Variants in KIF3B observed in about 807,000 individuals in gnomAD.
The protein encoded by KIF3B is kinesin-like protein KIF3B.
A neutral mutation model predicts 74.3 loss-of-function variants in KIF3B; 38 were observed. That is an observed-to-expected ratio of 0.51 (90% confidence interval 0.39 to 0.67). The LOEUF is 0.67. KIF3B is among the 30% of genes least tolerant of loss of function. The pLI is 0.00. For missense variants in KIF3B, 649 were observed against 932.0 expected, an observed-to-expected ratio of 0.70 and a Z score of 3.95; for synonymous variants, 326 against 342.5, an observed-to-expected ratio of 0.95 and a Z score of 0.53.
chr20:32,312,141 A>C (rs1280763084), intron 2 of KIF3B, among the ~76,000 whole-genome samples: 1 of 127,402 alleles, frequency 7.8e-6, no homozygotes, highest in African/African-American at 3.0e-5. Context: ...TTGAGACAGG[A>C]TCTTGCTCTG....
chr20:32,281,630 T>C (rs980490072), intron 1 of KIF3B, among the ~76,000 whole-genome samples: 2 of 152,108 alleles, frequency 1.3e-5, no homozygotes, highest in Admixed American at 6.6e-5. Flanking sequence ...GGCACAAGAA[T>C]TGCTTGAACC....
intron 6 of KIF3B, among the ~76,000 whole-genome samples, chr20:32,327,235 A>G (rs1055536141): frequency 6.6e-6 from 1 of 152,066 alleles, no homozygotes; most frequent in Non-Finnish European, 1.5e-5. Flanking sequence ...CACAGTGTTG[A>G]GAAGGATTCT....
chr20:32,295,072 A>G (rs2047710437), intron 1 of KIF3B, among the ~76,000 whole-genome samples: 1 of 152,158 alleles, frequency 6.6e-6, no homozygotes, highest in South Asian at 2.1e-4. Flanking sequence ...GTATTTAGTT[A>G]CTCAATTATG....
intron 1 of KIF3B, among the ~76,000 whole-genome samples, chr20:32,301,369 T>TTTCA (rs1555895154): frequency 1.3e-5 from 2 of 150,770 alleles, no homozygotes; most frequent in African/African-American, 4.9e-5. Context: ...CCAGCCCATG[T>TTTCA]TTTATTTATT....
intron 5 of KIF3B, among the ~76,000 whole-genome samples, chr20:32,317,288 A>G (rs758399240): frequency 2.6e-5 from 4 of 151,958 alleles, no homozygotes; most frequent in Non-Finnish European, 5.9e-5. Context: ...ATCTCCTGCC[A>G]CCCCATGTTC....
At chr20:32,324,611 A>G (rs559242681) in intron 5 of KIF3B, among the ~76,000 whole-genome samples, 1 of 152,324 alleles carries the variant, frequency 6.6e-6, no homozygotes, top group East Asian at 1.9e-4. Context: ...CAGCCAACAG[A>G]TGATCTTTGT....
intron 1 of KIF3B, among the ~76,000 whole-genome samples, chr20:32,302,593 A>G (rs981670142): frequency 6.6e-6 from 1 of 152,150 alleles, no homozygotes; most frequent in Non-Finnish European, 1.5e-5. Flanking sequence ...AGAAGTCTGT[A>G]ATGCAGAAGA....
In KIF3B at chr20:32,286,768, T is replaced by C. The variant is rs529019296; in HGVS notation, c.-66+9003T>C. Among the ~76,000 whole-genome samples, 14 of 152,340 alleles carry C rather than the reference T, an allele frequency of 9.2e-5. No individual in the cohort carries two copies. The South Asian group carries it at 2.9e-3, about 32-fold the overall frequency. ...TTGCAGTTCTCACCTGTTTCCTCCA[T>C]TGTTGTTATTTAGGCCATTTTCAAC... On this transcript the variant is annotated intron_variant, in intron 1 of 8. Transcript: ENST00000375712.
chr20:32,279,797 G>A (rs1374564411), intron 1 of KIF3B, among the ~76,000 whole-genome samples: 1 of 152,180 alleles, frequency 6.6e-6, no homozygotes, highest in African/African-American at 2.4e-5. Flanking sequence ...GGGCTTCTCT[G>A]TCCCTCATTC....
chr20:32,292,139 A>G (rs1056351868), intron 1 of KIF3B, among the ~76,000 whole-genome samples: 2 of 151,792 alleles, frequency 1.3e-5, no homozygotes, highest in African/African-American at 4.8e-5. Context: ...GGATCTTGCC[A>G]TCTTGTCCAA....
chr20:32,305,835 G>A (rs1464037958), intron 1 of KIF3B, among the ~76,000 whole-genome samples: 1 of 151,184 alleles, frequency 6.6e-6, no homozygotes, highest in Admixed American at 6.6e-5. Context: ...GCCCTCCTTG[G>A]CTTCCCAAAG....
chr20:32,301,497 C>G (rs1363641233), intron 1 of KIF3B, among the ~76,000 whole-genome samples: 5 of 152,106 alleles, frequency 3.3e-5, no homozygotes, highest in Non-Finnish European at 1.5e-5. Flanking sequence ...CTGCCTCAGC[C>G]TCCCGAGTAG....
intron 2 of KIF3B, among the ~76,000 whole-genome samples, chr20:32,313,800 C>T (rs1219725861): frequency 2.0e-5 from 3 of 152,122 alleles, no homozygotes; most frequent in African/African-American, 7.2e-5. Flanking sequence ...CTTGACCTCC[C>T]AGGCTCAAGC....
At chr20:32,323,453 G>A (rs942790155) in intron 5 of KIF3B, among the ~76,000 whole-genome samples, 1 of 151,850 alleles carries the variant, frequency 6.6e-6, no homozygotes, top group Non-Finnish European at 1.5e-5. Context: ...AGACTGGAGT[G>A]CAGTGGCGCG....
At chr20:32,312,099 G>A (rs557779462) in intron 2 of KIF3B, among the ~76,000 whole-genome samples, 2 of 147,904 alleles carry the variant, frequency 1.4e-5, no homozygotes, top group Admixed American at 6.9e-5. Flanking sequence ...CACCGTGTCC[G>A]GCTTTTTTTT....
chr20:32,291,351 A>C (rs1215976602), intron 1 of KIF3B, among the ~76,000 whole-genome samples: 5 of 152,066 alleles, frequency 3.3e-5, no homozygotes, highest in Non-Finnish European at 7.4e-5. Flanking sequence ...ATTATGCATA[A>C]AACTAGAATA....
rs1569200386 is a variant in KIF3B at position 32,310,022 on chromosome 20, A to T, written c.245A>T (p.Asp82Val). ...GATGAGACGTTCCGACCACTTGTTG[A>T]CTCTGTCCTGCAAGGTTTCAATGGA... ...LYDETFRPLV[D>V]SVLQGFNGTI... Residue 82 changes from aspartate to valine, a missense_variant, in exon 2 of 9, where the codon GAC becomes GTC. Around this residue, in one of 4 missense-constraint regions of KIF3B, gnomAD observed 96 missense variants for 119.0 expected, o/e 0.81. Coordinates refer to ENST00000375712, the MANE Select transcript of KIF3B (RefSeq NM_004798.4). The surrounding 1 kb of genome is among the most constrained non-coding windows in gnomAD (Gnocchi z 6.5). The T allele has an allele frequency of 6.2e-7, 1 of 1,614,120 alleles. No individual in the cohort carries two copies. Among genetic ancestry groups the T allele is most frequent in the Non-Finnish European group, 8.5e-7 (1 of 1,180,016 alleles).
At chr20:32,322,790 TTA>T (rs1168388598) in intron 5 of KIF3B, among the ~76,000 whole-genome samples, 13 of 62,512 alleles carry the variant, frequency 2.1e-4, no homozygotes, top group South Asian at 4.7e-4. Context: ...TTATATATAT[TTA>T]TATATATATT....
At chr20:32,316,096 T>C (rs931275766) in intron 2 of KIF3B, 122 bp from the exon 3 acceptor site, 3 of 676,054 alleles carry the variant, frequency 4.4e-6, no homozygotes, top group Non-Finnish European at 7.9e-6. Flanking sequence ...GTGTATTTTT[T>C]CCCAGAGTTT....
Sources: allele counts gnomAD v4.1 joint callset (sites outside exome capture counted in the v4.1 genomes callset), GRCh38; gene constraint gnomAD v4.1.1; regional missense constraint gnomAD v4.1.1; non-coding constraint Gnocchi (gnomAD v3.1); transcripts MANE v1.5; gene names NCBI Gene and HGNC (gene_info 2026-07-23, HGNC 2026-07-21).